ADAMTSL3: variants seen among roughly 807,000 people sequenced by gnomAD.
ADAMTSL3 encodes ADAMTS like 3.
A neutral mutation model predicts 201.7 loss-of-function variants in ADAMTSL3; 128 were observed. The observed-to-expected ratio is 0.63, with a 90% confidence interval of 0.55 to 0.73. The LOEUF is 0.73. ADAMTSL3 is among the 30% of genes least tolerant of loss of function. The pLI, the probability that ADAMTSL3 is intolerant of heterozygous loss-of-function variation, is 0.00. For missense variants in ADAMTSL3, 1,990 were observed against 2,119.6 expected (o/e 0.94, Z 1.20); for synonymous variants, 738 against 748.4 (o/e 0.99, Z 0.23).
At chr15:83,902,506 G>A (rs753844109) in intron 15 of ADAMTSL3, among the ~76,000 whole-genome samples, 3 of 152,132 alleles carry the variant, frequency 2.0e-5, no homozygotes, top group African/African-American at 4.8e-5. Flanking sequence ...TCCTGAGCTC[G>A]TGATCCACCC....
At chr15:83,887,618 TTTTG>T (rs879603047) in intron 10 of ADAMTSL3, among the ~76,000 whole-genome samples, 3 of 152,244 alleles carry the variant, frequency 2.0e-5, no homozygotes, top group Non-Finnish European at 4.4e-5. Context: ...TCTCTCTCCT[TTTTG>T]TTTGTTTGTT....
chr15:84,005,050 C>T (rs2067869341), intron 23 of ADAMTSL3, among the ~76,000 whole-genome samples: 1 of 151,986 alleles, frequency 6.6e-6, no homozygotes, highest in African/African-American at 2.4e-5. Context: ...GAGAAAAGAC[C>T]CCCCAGAAAT....
intron 3 of ADAMTSL3, among the ~76,000 whole-genome samples, chr15:83,724,282 A>G (rs754848913): frequency 2.0e-5 from 3 of 151,820 alleles, no homozygotes; most frequent in Non-Finnish European, 4.4e-5. Flanking sequence ...TATTTTTAGT[A>G]GAGACACGGG....
intron 3 of ADAMTSL3, chr15:83,740,041 T>C (rs1467088428): frequency 8.2e-6 from 3 of 363,920 alleles, no homozygotes; most frequent in South Asian, 5.5e-5. Flanking sequence ...TTGTCAGCTC[T>C]TGAACCCTGA....
At chr15:83,708,454 G>A (rs2141520962) in intron 3 of ADAMTSL3, among the ~76,000 whole-genome samples, 1 of 152,294 alleles carries the variant, frequency 6.6e-6, no homozygotes, top group East Asian at 1.9e-4. Flanking sequence ...GATGTAGGCT[G>A]CATTTAATGG....
intron 7 of ADAMTSL3, among the ~76,000 whole-genome samples, chr15:83,848,366 T>C (rs1233061049): frequency 6.6e-6 from 1 of 152,214 alleles, no homozygotes; most frequent in African/African-American, 2.4e-5. Flanking sequence ...CTGAAACTGA[T>C]GTTTATTGAT....
At chr15:83,947,881 C>A (rs1383938801) in intron 19 of ADAMTSL3, among the ~76,000 whole-genome samples, 1 of 152,100 alleles carries the variant, frequency 6.6e-6, no homozygotes, top group South Asian at 2.1e-4. Flanking sequence ...TAGTTTATAT[C>A]CTCATCGTGG....
At chr15:84,032,151 C>A (rs921232701) in intron 28 of ADAMTSL3, among the ~76,000 whole-genome samples, 1 of 152,170 alleles carries the variant, frequency 6.6e-6, no homozygotes, top group African/African-American at 2.4e-5. Context: ...GCCACCTAAT[C>A]TGCAAAGTGG....
chr15:83,829,970 G>A (rs1422751748), intron 6 of ADAMTSL3, among the ~76,000 whole-genome samples: 1 of 152,222 alleles, frequency 6.6e-6, no homozygotes, highest in Non-Finnish European at 1.5e-5. Flanking sequence ...TTTGTAATAA[G>A]TGTGATATGG....
chr15:83,709,533 C>A (rs1184576078), intron 3 of ADAMTSL3, among the ~76,000 whole-genome samples: 1 of 152,148 alleles, frequency 6.6e-6, no homozygotes, highest in African/African-American at 2.4e-5. Flanking sequence ...CTTTTCATCG[C>A]TGAGTAAGTC....
intron 19 of ADAMTSL3, among the ~76,000 whole-genome samples, chr15:83,952,956 T>G (rs1191413689): frequency 6.6e-6 from 1 of 152,238 alleles, no homozygotes; most frequent in African/African-American, 2.4e-5. Flanking sequence ...CTGCTGTTTT[T>G]GGGGTTCCGT....
At chr15:83,906,114 T>G (rs1008306807) in intron 15 of ADAMTSL3, among the ~76,000 whole-genome samples, 3 of 152,188 alleles carry the variant, frequency 2.0e-5, no homozygotes, top group Non-Finnish European at 4.4e-5. Flanking sequence ...CCAGTGCCAG[T>G]ACCATATTAT....
At chr15:83,790,024 G>T (rs2063320646) in intron 4 of ADAMTSL3, among the ~76,000 whole-genome samples, 1 of 151,680 alleles carries the variant, frequency 6.6e-6, no homozygotes, top group African/African-American at 2.4e-5. Context: ...GAAATCAAAA[G>T]ATATCCTTAA....
At chr15:83,963,792 T>C (rs2086442) in intron 19 of ADAMTSL3, among the ~76,000 whole-genome samples, 127,348 of 152,158 alleles carry the variant, frequency 0.84, 53,778 homozygotes, top group African/African-American at 0.95. Context: ...CCCTCTGGGA[T>C]GAAGCTTCCA....
At chr15:83,682,439 T>C (rs1489418240) in intron 2 of ADAMTSL3, among the ~76,000 whole-genome samples, 1 of 152,206 alleles carries the variant, frequency 6.6e-6, no homozygotes, top group Non-Finnish European at 1.5e-5. Flanking sequence ...TCTTTCTCTG[T>C]CGTATGTCAC....
chr15:83,801,608 G>A (rs2063514094), intron 4 of ADAMTSL3, among the ~76,000 whole-genome samples: 3 of 124,088 alleles, frequency 2.4e-5, no homozygotes, highest in Non-Finnish European at 3.4e-5. Context: ...ATAAGCACAA[G>A]AAAAGGTCAA....
intron 6 of ADAMTSL3, among the ~76,000 whole-genome samples, chr15:83,834,482 TA>T (rs563112681): frequency 1.9e-4 from 29 of 151,034 alleles, no homozygotes; most frequent in African/African-American, 5.3e-4. Context: ...ACGGTTGATT[TA>T]AAAAAAAAAT....
chr15:83,916,206 AC>A (rs1386242827), intron 16 of ADAMTSL3, among the ~76,000 whole-genome samples: 1 of 152,178 alleles, frequency 6.6e-6, no homozygotes, highest in Admixed American at 6.5e-5. Flanking sequence ...TTTATGATAT[AC>A]TCTTGTGTAT....
chr15:83,890,355 C>CT, intron 11 of ADAMTSL3, 108 bp downstream of exon 11: 1 of 1,409,598 alleles, frequency 7.1e-7, no homozygotes, highest in Non-Finnish European at 9.5e-7. Flanking sequence ...CTGGCTTTGT[C>CT]TACTGGCGGC....
Sources: allele counts gnomAD v4.1 joint callset (sites outside exome capture counted in the v4.1 genomes callset), GRCh38; gene constraint gnomAD v4.1.1; transcripts MANE v1.5; gene names NCBI Gene and HGNC (gene_info 2026-07-23, HGNC 2026-07-21).